The following SRGAP1 variants were observed in gnomAD, a reference collection of about 807,000 sequenced individuals.
The protein encoded by SRGAP1 is SLIT-ROBO Rho GTPase activating protein 1.
In SRGAP1, 43 loss-of-function variants were observed where a neutral mutation model predicts 121.9. The observed-to-expected ratio is 0.35, with a 90% confidence interval of 0.28 to 0.46. The LOEUF is 0.46. Ranked by LOEUF, SRGAP1 falls within the 20% of genes least tolerant of loss-of-function variation. The pLI is 1.00. For synonymous variants in SRGAP1, 447 were observed against 485.4 expected (o/e 0.92, Z 1.04); for missense variants, 1,102 against 1,350.9 (o/e 0.82, Z 2.89).
chr12:64,128,057 C>A lies in SRGAP1; in HGVS notation c.2737C>A (p.Pro913Thr), dbSNP rs752844739. ...NNDSPERRRRPGHGSLTNISR... is the reference protein window; with the variant it reads ...NNDSPERRRRTGHGSLTNISR... ...TGACAGTCCTGAGCGGAGGCGCAGG[C>A]CTGGCCATGGCAGCCTGACCAACAT... is the stretch of plus-strand genomic sequence containing the variant. The change falls in exon 21 of 22, where the codon CCT (proline) becomes ACT (threonine). Residue 913 changes from proline to threonine, a missense_variant. Pro to Thr is a conservative substitution (Grantham distance 38). This residue lies in a region of SRGAP1 where 315 missense variants were observed against 343.1 expected (regional missense o/e 0.92). Transcript: ENST00000355086. 2.5e-6 allele frequency: 4 copies of A among 1,614,054 alleles called. No homozygotes were observed. The East Asian group carries it at 6.7e-5, about 27-fold the overall frequency.
chr12:63,858,364 T>A (rs1224810493), intron 1 of SRGAP1, among the ~76,000 whole-genome samples: 1 of 151,926 alleles, frequency 6.6e-6, no homozygotes, highest in Admixed American at 6.6e-5. Flanking sequence ...GGGCTTCACT[T>A]TGCTGCCCAG....
At chr12:63,853,105 C>T (rs1393108764) in intron 1 of SRGAP1, among the ~76,000 whole-genome samples, 4 of 151,624 alleles carry the variant, frequency 2.6e-5, no homozygotes, top group Admixed American at 6.6e-5. Context: ...CTGCAACCTC[C>T]GTTTCCTGGG....
intron 1 of SRGAP1, among the ~76,000 whole-genome samples, chr12:63,955,564 T>TAAAG (rs1381267555): frequency 1.3e-5 from 2 of 152,158 alleles, no homozygotes; most frequent in African/African-American, 2.4e-5. Flanking sequence ...AATGTAACTT[T>TAAAG]AAGAGAGACT....
At chr12:63,881,049 G>A (rs561012444) in intron 1 of SRGAP1, among the ~76,000 whole-genome samples, 1 of 152,290 alleles carries the variant, frequency 6.6e-6, no homozygotes, top group African/African-American at 2.4e-5. Context: ...TTTTAAATGC[G>A]CATAACCCAA....
At chr12:63,973,286 A>G (rs17099977) in intron 1 of SRGAP1, among the ~76,000 whole-genome samples, 4,669 of 152,322 alleles carry the variant, frequency 0.031, 256 homozygotes, top group African/African-American at 0.11. Context: ...ATCTAGAAGC[A>G]CAGGCCTGGG....
chr12:63,909,998 C>T, intron 1 of SRGAP1, among the ~76,000 whole-genome samples: 1 of 152,198 alleles, frequency 6.6e-6, no homozygotes, highest in East Asian at 1.9e-4. Context: ...TACACAATAT[C>T]TTCATAGCAA....
chr12:64,116,223 C>G (rs1397780045), intron 18 of SRGAP1, among the ~76,000 whole-genome samples: 1 of 148,622 alleles, frequency 6.7e-6, no homozygotes, highest in Middle Eastern at 3.2e-3. Context: ...CGCCACTGCC[C>G]TCCAGCCTGG....
chr12:64,002,322 T>A (rs1457668044), intron 3 of SRGAP1, among the ~76,000 whole-genome samples: 3 of 152,216 alleles, frequency 2.0e-5, no homozygotes, highest in Admixed American at 2.0e-4. Context: ...GAATCTTTCC[T>A]CCCTGATCAG....
chr12:63,887,282 G>A (rs1228033787), intron 1 of SRGAP1: 1 of 152,286 alleles, frequency 6.6e-6, no homozygotes, highest in Non-Finnish European at 1.5e-5. Context: ...TAGCTCATAA[G>A]GAAGGATAAG....
intron 1 of SRGAP1, among the ~76,000 whole-genome samples, chr12:63,887,219 C>T (rs1049151343): frequency 1.3e-5 from 2 of 152,076 alleles, no homozygotes; most frequent in Admixed American, 1.3e-4. Flanking sequence ...GGCTCAGTGA[C>T]CCCAGAAGGC....
chr12:64,058,285 C>G (rs1412415986), intron 6 of SRGAP1, among the ~76,000 whole-genome samples: 2 of 152,152 alleles, frequency 1.3e-5, no homozygotes, highest in Non-Finnish European at 2.9e-5. Flanking sequence ...TTCGACTTTA[C>G]AATAAGTTTA....
chr12:63,977,306 A>AT (rs2033120410), intron 1 of SRGAP1, among the ~76,000 whole-genome samples: 1 of 152,186 alleles, frequency 6.6e-6, no homozygotes, highest in Non-Finnish European at 1.5e-5. Context: ...TCTTAAGAGA[A>AT]TGTAGACCCC....
At chr12:64,024,039 C>A (rs889563959) in intron 4 of SRGAP1, among the ~76,000 whole-genome samples, 1 of 152,184 alleles carries the variant, frequency 6.6e-6, no homozygotes, top group Non-Finnish European at 1.5e-5. Flanking sequence ...TCTCACACTT[C>A]ATTCTATGAT....
chr12:64,077,791 A>T (rs529563484), intron 8 of SRGAP1, among the ~76,000 whole-genome samples: 2 of 152,248 alleles, frequency 1.3e-5, no homozygotes, highest in East Asian at 3.9e-4. Flanking sequence ...TTAAAATTAG[A>T]ATCTTTGTTC....
chr12:64,046,979 A>T (rs1340835618), intron 6 of SRGAP1, among the ~76,000 whole-genome samples: 1 of 152,190 alleles, frequency 6.6e-6, no homozygotes, highest in Non-Finnish European at 1.5e-5. Flanking sequence ...AAGGTTATGC[A>T]GCCAATCAGG....
chr12:63,929,493 C>G (rs1303332006), intron 1 of SRGAP1, among the ~76,000 whole-genome samples: 2 of 152,022 alleles, frequency 1.3e-5, no homozygotes, highest in Non-Finnish European at 2.9e-5. Context: ...AACAACGATA[C>G]CTGGGTTCCA....
rs11379937 is a variant in SRGAP1, at chr12:64,020,947, C to CAAA, written c.489+3948_489+3950dup. 1.1e-3 allele frequency among the ~76,000 whole-genome samples: 148 copies of CAAA among 131,304 alleles called. 1 individual carries two copies. Among genetic ancestry groups the CAAA allele is most frequent in the Non-Finnish European group, 1.9e-3 (116 of 61,692 alleles). The allele number at this position is 131,304 out of a possible 152,430, so 86.1% of individuals were successfully genotyped here. ...AAATAGATGTTTATATTCTGTCTCA[C>CAAA]AAAAAAAAAAAAAAAGACCAAAGAT... is the stretch of plus-strand genomic sequence containing the variant. On this transcript the variant is annotated intron_variant, in intron 4 of 21. Coordinates refer to ENST00000355086, the MANE Select transcript of SRGAP1 (RefSeq NM_020762.4).
At chr12:63,944,357 CA>C (rs1210274415) in intron 1 of SRGAP1, among the ~76,000 whole-genome samples, 1 of 152,150 alleles carries the variant, frequency 6.6e-6, no homozygotes, top group Non-Finnish European at 1.5e-5. Flanking sequence ...AAGATCAAGG[CA>C]GATTCAATGT....
At chr12:64,105,571 G>A (rs2036330765) in intron 15 of SRGAP1, among the ~76,000 whole-genome samples, 1 of 152,046 alleles carries the variant, frequency 6.6e-6, no homozygotes, top group Non-Finnish European at 1.5e-5. Context: ...ATCACTTGAG[G>A]CCAGGAGTTT....
Sources: gnomAD v4.1 joint callset for allele counts (sites outside exome capture counted in the v4.1 genomes callset) on GRCh38, gnomAD v4.1.1 for gene constraint, gnomAD v4.1.1 regional missense constraint, MANE v1.5 for transcripts, NCBI Gene and HGNC (gene_info 2026-07-23, HGNC 2026-07-21) for gene names.